Variants in CCDC85C observed in about 807,000 individuals in gnomAD.
CCDC85C encodes coiled-coil domain containing 85C.
Under a neutral mutation model 38.3 loss-of-function variants are expected in CCDC85C, and 18 were observed. The observed-to-expected ratio is 0.47, with a 90% confidence interval of 0.33 to 0.70. The LOEUF is 0.70. Ranked by LOEUF, CCDC85C falls within the 30% of genes least tolerant of loss-of-function variation. CCDC85C has a pLI of 0.03. For synonymous variants in CCDC85C, 264 were observed against 293.8 expected, an observed-to-expected ratio of 0.90 and a Z score of 1.04; for missense variants, 566 against 621.2, an observed-to-expected ratio of 0.91 and a Z score of 0.94.
intron 1 of CCDC85C, among the ~76,000 whole-genome samples, chr14:99,592,911 T>C (rs1451074341): frequency 1.3e-5 from 2 of 152,246 alleles, no homozygotes; most frequent in African/African-American, 4.8e-5. Context: ...AGCCTTCCCC[T>C]GCCAGCCAGG....
Position 99,535,061 on chromosome 14 carries a change from G to A in CCDC85C, c.867+954C>T. 1 of 236,996 alleles carries A rather than the reference G, an allele frequency of 4.2e-6. No homozygotes were observed. The highest frequency in any genetic ancestry group is 8.2e-6 in the Non-Finnish European group (1 of 121,430). 14.7% of individuals were successfully genotyped at this position (236,996 alleles called of 1,614,324 possible). A position where few individuals can be genotyped will look rare whatever the true frequency, so the allele number is the denominator to read the frequency against. ...GACCTCAGTGGGAGCTGTGCTCCCT[G>A]CTGGGGCCGTGAGCCTCCCAGCAGC... is the stretch of plus-strand genomic sequence containing the variant. On this transcript the variant is annotated intron_variant, in intron 2 of 5. Transcript: ENST00000380243. This position sits in a 1 kb window ranked among gnomAD's most constrained non-coding sequence, Gnocchi z 5.5.
At chr14:99,531,955 G>A (rs1045203976) in intron 2 of CCDC85C, among the ~76,000 whole-genome samples, 7 of 152,286 alleles carry the variant, frequency 4.6e-5, no homozygotes, top group African/African-American at 1.7e-4. Context: ...GGTTAAGTGG[G>A]CCTTCCTTAT....
rs914773098 is a variant in CCDC85C, at chr14:99,515,415, G to A, written c.1171-80C>T. ...CTATGCACATCCGCCGCCTCATCAC[G>A]GCAGAATCACCCACGTCCTCAGAGC... is the stretch of plus-strand genomic sequence containing the variant. On this transcript the variant is annotated intron_variant, in intron 5 of 5. Coordinates refer to ENST00000380243, the MANE Select transcript of CCDC85C (RefSeq NM_001144995.2). 1.8e-5 allele frequency: 19 copies of A among 1,049,744 alleles called. 1 individual carries two copies. Among genetic ancestry groups the A allele is most frequent in the Middle Eastern group, 2.0e-4 (1 of 4,940 alleles). 65.0% of individuals were successfully genotyped at this position (1,049,744 alleles called of 1,614,324 possible).
In CCDC85C at chr14:99,558,483, T is replaced by G. The variant is rs965791021; in HGVS notation, c.794-22395A>C. 6.6e-6 allele frequency among the ~76,000 whole-genome samples: 1 copy of G among 152,046 alleles called. No individual in the cohort carries two copies. Among genetic ancestry groups the G allele is most frequent in the Non-Finnish European group, 1.5e-5 (1 of 68,004 alleles). ...TAAAAATACAAAAATTAGCTGGGCG[T>G]GGTGGCAGTTGCCTGTAATCCCAGC... is the stretch of plus-strand genomic sequence containing the variant. On this transcript the variant is annotated intron_variant, in intron 1 of 5. Transcript: ENST00000380243. This position sits in a 1 kb window ranked among gnomAD's most constrained non-coding sequence, Gnocchi z 4.2.
At chr14:99,599,660 CAGG>C (rs2055178953) in intron 1 of CCDC85C, among the ~76,000 whole-genome samples, 1 of 152,116 alleles carries the variant, frequency 6.6e-6, no homozygotes, top group Admixed American at 6.5e-5. Context: ...GAGGCCAAGG[CAGG>C]AGGACTGCTT....
In CCDC85C at chr14:99,500,617, A is replaced by G; in HGVS notation, c.*14629T>C. 1.6e-6 allele frequency: 1 copy of G among 638,838 alleles called. No homozygotes were observed. Among genetic ancestry groups the G allele is most frequent in the Non-Finnish European group, 2.8e-6 (1 of 356,574 alleles). 39.6% of individuals were successfully genotyped at this position (638,838 alleles called of 1,614,324 possible). On this transcript the variant is annotated 3_prime_UTR_variant, in exon 6 of 6. Coordinates refer to ENST00000380243, the MANE Select transcript of CCDC85C (RefSeq NM_001144995.2). ...ATTTATCAGTGTCTCTGAGCATGTTAAAAGTCTGAGTGGGAGAGAAAGGAA... is the reference window on the plus strand; with the variant it reads ...ATTTATCAGTGTCTCTGAGCATGTTGAAAGTCTGAGTGGGAGAGAAAGGAA...
Position 99,508,260 on chromosome 14 carries a change from G to A in CCDC85C, c.*6986C>T, listed in dbSNP as rs1044084327. On this transcript the variant is annotated 3_prime_UTR_variant, in exon 6 of 6. Transcript: ENST00000380243. ...TATGAACCTTACTTAAATGCCTGTG[G>A]TTGCTCATGAAGCATTTATGGAGCA... The A allele has an allele frequency of 5.3e-5, 8 of 152,260 alleles. No individual in the cohort carries two copies. Among genetic ancestry groups the A allele is most frequent in the Admixed American group, 1.3e-4 (2 of 15,290 alleles). The allele number at this position is 152,260 out of a possible 1,614,324, so 9.4% of individuals were successfully genotyped here.
At chr14:99,551,567 G>A (rs1332319534) in intron 1 of CCDC85C, among the ~76,000 whole-genome samples, 1 of 151,288 alleles carries the variant, frequency 6.6e-6, no homozygotes, top group Non-Finnish European at 1.5e-5. Flanking sequence ...GCAGGTGGGT[G>A]TGCAGGTGAG....
intron 1 of CCDC85C, among the ~76,000 whole-genome samples, chr14:99,583,459 G>A (rs769170605): frequency 7.7e-5 from 11 of 142,678 alleles, no homozygotes; most frequent in African/African-American, 1.9e-4. Flanking sequence ...AGCCAAGATC[G>A]CATGATCGCA....
At chr14:99,518,026 TC>T (rs1214813138) in intron 3 of CCDC85C, among the ~76,000 whole-genome samples, 1 of 152,130 alleles carries the variant, frequency 6.6e-6, no homozygotes, top group Non-Finnish European at 1.5e-5. Context: ...GGCTCCCACC[TC>T]TGGCAATCCT....
chr14:99,510,619 C>A lies in CCDC85C; in HGVS notation c.*4627G>T. The A allele has an allele frequency of 1.5e-6, 2 of 1,307,908 alleles. No individual in the cohort carries two copies. The highest frequency in any genetic ancestry group is 1.0e-6 in the Non-Finnish European group (1 of 999,384). The allele number at this position is 1,307,908 out of a possible 1,614,324, so 81.0% of individuals were successfully genotyped here. On this transcript the variant is annotated 3_prime_UTR_variant, in exon 6 of 6. Transcript: ENST00000380243. The stretch of plus-strand genomic sequence containing the variant: ...CCCCCACCCCCACGCCTCCCGCCTA[C>A]CCACGCAGTCCCCCCTCATCCTCCT...
rs1175586251 is a variant in CCDC85C, at chr14:99,603,780, C to T, written c.180G>A (p.Leu60=). 1 of 1,526,182 alleles carries T rather than the reference C, an allele frequency of 6.6e-7. No individual in the cohort carries two copies. The highest frequency in any genetic ancestry group is 8.8e-7 in the Non-Finnish European group (1 of 1,142,664). 94.5% of individuals were successfully genotyped at this position (1,526,182 alleles called of 1,614,324 possible). The change falls in exon 1 of 6, where the codon CTG becomes CTA. Residue 60 remains leucine, a synonymous_variant. Coordinates refer to ENST00000380243, the MANE Select transcript of CCDC85C (RefSeq NM_001144995.2). This position sits in a 1 kb window ranked among gnomAD's most constrained non-coding sequence, Gnocchi z 7.5. ...GGLMRDVNRR[L]QQHLLEIRGL... is the part of the protein sequence containing the mutation. The stretch of plus-strand genomic sequence containing the variant: ...CGCGGATCTCCAGCAGGTGCTGCTG[C>T]AGCCGCCGGTTCACGTCGCGCATCA...
At chr14:99,551,467 A>G (rs117818251) in intron 1 of CCDC85C, among the ~76,000 whole-genome samples, 1,866 of 150,784 alleles carry the variant, frequency 0.012, 80 homozygotes, top group East Asian at 0.097. Context: ...ATGAGTGAGC[A>G]GGTAAGTGAG....
chr14:99,569,607 AG>A lies in CCDC85C; in HGVS notation c.794-33520del, dbSNP rs1172462659. Among the ~76,000 whole-genome samples the A allele has an allele frequency of 3.9e-5, 6 of 152,216 alleles. No homozygotes were observed. Among genetic ancestry groups the A allele is most frequent in the Non-Finnish European group, 8.8e-5 (6 of 68,038 alleles). On this transcript the variant is annotated intron_variant, in intron 1 of 5. Coordinates refer to ENST00000380243, the MANE Select transcript of CCDC85C (RefSeq NM_001144995.2). This position sits in a 1 kb window ranked among gnomAD's most constrained non-coding sequence, Gnocchi z 4.3. The stretch of plus-strand genomic sequence containing the variant: ...AGGCCAAAAAGCCAGGACACTCCAG[AG>A]CCAAGAGCTGAACCCAGGCACATCC...
Position 99,501,729 on chromosome 14 carries a change from C to T in CCDC85C, c.*13517G>A, listed in dbSNP as rs1896835637. 6.2e-6 allele frequency: 2 copies of T among 324,464 alleles called. No homozygotes were observed. The highest frequency in any genetic ancestry group is 4.3e-5 in the African/African-American group (2 of 46,220). 20.1% of individuals were successfully genotyped at this position (324,464 alleles called of 1,614,324 possible). Reference sequence around the variant, plus strand: ...GCCCATTTGGTTTTGCAAAAATATACTTCCTGGTATAGTTTTAGAGCCTTA... The same window carrying T: ...GCCCATTTGGTTTTGCAAAAATATATTTCCTGGTATAGTTTTAGAGCCTTA... On this transcript the variant is annotated 3_prime_UTR_variant, in exon 6 of 6. Coordinates refer to ENST00000380243, the MANE Select transcript of CCDC85C (RefSeq NM_001144995.2).
chr14:99,592,879 A>AT (rs1282969003), intron 1 of CCDC85C, among the ~76,000 whole-genome samples: 3 of 152,222 alleles, frequency 2.0e-5, no homozygotes, highest in Admixed American at 1.3e-4. Context: ...GGGCTGGGCA[A>AT]AGGCGAGGGG....
intron 1 of CCDC85C, among the ~76,000 whole-genome samples, chr14:99,601,910 T>C (rs887335786): frequency 2.7e-5 from 4 of 150,212 alleles, no homozygotes; most frequent in Admixed American, 2.0e-4. Context: ...TGGGTATGTC[T>C]CCCACCCCAG....
chr14:99,583,711 G>A (rs2054998434), intron 1 of CCDC85C, among the ~76,000 whole-genome samples: 1 of 151,432 alleles, frequency 6.6e-6, no homozygotes, highest in African/African-American at 2.4e-5. Flanking sequence ...AGGAGGCTAA[G>A]GCAGAAGAAT....
At chr14:99,601,200 C>G (rs1323380361) in intron 1 of CCDC85C, among the ~76,000 whole-genome samples, 7 of 152,152 alleles carry the variant, frequency 4.6e-5, no homozygotes, top group African/African-American at 1.4e-4. Flanking sequence ...AATAATAATG[C>G]TGAATTTTCA....
Sources: gnomAD v4.1 joint callset for allele counts (sites outside exome capture counted in the v4.1 genomes callset) on GRCh38, gnomAD v4.1.1 for gene constraint, Gnocchi (gnomAD v3.1) non-coding constraint, MANE v1.5 for transcripts, NCBI Gene and HGNC (gene_info 2026-07-23, HGNC 2026-07-21) for gene names.